BEST2: variants seen among roughly 807,000 people sequenced by gnomAD.
BEST2 encodes the protein bestrophin-2a.
A neutral mutation model predicts 49.0 loss-of-function variants in BEST2; 36 were observed. The ratio of observed to expected loss-of-function variants is 0.73; its 90% confidence interval spans 0.56 to 0.97. BEST2 has a LOEUF of 0.97. Among genes scored for constraint, BEST2 ranks in the 50% least tolerant of loss-of-function variants. The pLI is 0.00. For missense variants in BEST2, 672 were observed against 710.0 expected (o/e 0.95, Z 0.61); for synonymous variants, 335 against 304.4 (o/e 1.10, Z -1.05).
Position 12,755,972 on chromosome 19 carries a change from G to A in BEST2, c.948+37G>A, listed in dbSNP as rs368031865. The stretch of plus-strand genomic sequence containing the variant: ...TTTCCAGGTGAGACTTCCAGGTGGC[G>A]ACCATCCCGGAGTGCCCAACAGGGT... On this transcript the variant is annotated intron_variant, in intron 8 of 9. Transcript: ENST00000553030. This position sits in a 1 kb window ranked among gnomAD's most constrained non-coding sequence, Gnocchi z 4.4. 16 of 1,605,262 alleles carry A rather than the reference G, an allele frequency of 1.0e-5. No homozygotes were observed. Among genetic ancestry groups the A allele is most frequent in the Middle Eastern group, 1.6e-4 (1 of 6,062 alleles).
At chr19:12,754,259 A>G (rs1473487997) in intron 3 of BEST2, among the ~76,000 whole-genome samples, 1 of 151,524 alleles carries the variant, frequency 6.6e-6, no homozygotes, top group Non-Finnish European at 1.5e-5. Flanking sequence ...TTTTTAGTAG[A>G]GACGGAGTTT....
Position 12,755,595 on chromosome 19 carries a change from C to G in BEST2, c.715-20C>G, listed in dbSNP as rs369595287. ...CTTGGACCCCAATGACCCCCCTGAG[C>G]CCTGCCCCGCCCTGCCCAGGTGGTG... On this transcript the variant is annotated intron_variant, in intron 6 of 9. Coordinates refer to ENST00000553030, the MANE Select transcript of BEST2 (RefSeq NM_017682.3). This position sits in a 1 kb window ranked among gnomAD's most constrained non-coding sequence, Gnocchi z 4.4. 6 of 1,610,254 alleles carry G rather than the reference C, an allele frequency of 3.7e-6. No individual in the cohort carries two copies. The African/African-American group carries it at 6.7e-5, about 18-fold the overall frequency.
In BEST2 at chr19:12,753,326, C is replaced by T. The variant is rs1967894389; in HGVS notation, c.219C>T (p.Ala73=). ...TTGTGATTTATTGTGACCAGTATGC[C>T]AGCCTCATCCCTGTCTCCTTCGTGC... ...EKLVIYCDQY[A]SLIPVSFVLG... The change falls in exon 3 of 10, where the codon GCC becomes GCT. Residue 73 remains alanine, a synonymous_variant. Coordinates refer to ENST00000553030, the MANE Select transcript of BEST2 (RefSeq NM_017682.3). 4.3e-6 allele frequency: 7 copies of T among 1,614,164 alleles called. No homozygotes were observed. The highest frequency in any genetic ancestry group is 5.9e-6 in the Non-Finnish European group (7 of 1,180,014).
At position 12,758,240 on chromosome 19, in the gene BEST2, AGTTCTTCCAGACTCTTGGACCAGCCC is replaced by A; in HGVS notation, c.*165_*190del. On this transcript the variant is annotated 3_prime_UTR_variant, in exon 10 of 10. Transcript: ENST00000553030. The stretch of plus-strand genomic sequence containing the variant: ...TGTTTGGCGCTGTGCTAGGGGCGGG[AGTTCTTCCAGACTCTTGGACCAGCCC>A]GCCCTGACCACCAGCTCTACTTCCC... 1.1e-6 allele frequency: 1 copy of A among 891,726 alleles called. No homozygotes were observed. Among genetic ancestry groups the A allele is most frequent in the East Asian group, 2.7e-5 (1 of 37,400 alleles). 55.2% of individuals were successfully genotyped at this position (891,726 alleles called of 1,614,324 possible). A position where few individuals can be genotyped will look rare whatever the true frequency, so the allele number is the denominator to read the frequency against.
chr19:12,756,142 T>G lies in BEST2; in HGVS notation c.950T>G (p.Val317Gly). ...TNFLIDRNFQ[V>G]SMLAVDEMYD... is the part of the protein sequence containing the mutation. ...TACCCTGTGTGTTTGCACCCGTAGG[T>G]GTCCATGCTGGCAGTGGACGAGATG... Residue 317 changes from valine to glycine, a missense_variant and splice_region_variant, in exon 9 of 10, where the codon GTG becomes GGG. Physicochemically the swap from Val to Gly is moderately radical, Grantham distance 109 (BLOSUM62 -3). Transcript: ENST00000553030. 1.2e-6 allele frequency: 2 copies of G among 1,614,220 alleles called. No homozygotes were observed. Among genetic ancestry groups the G allele is most frequent in the Non-Finnish European group, 1.7e-6 (2 of 1,180,038 alleles).
chr19:12,754,118 C>T (rs973055152), intron 3 of BEST2, among the ~76,000 whole-genome samples: 3 of 136,470 alleles, frequency 2.2e-5, no homozygotes, highest in Non-Finnish European at 4.6e-5. Context: ...CTCTGTTGCC[C>T]AAGCTGGAGT....
At chr19:12,756,405 TAA>T in intron 9 of BEST2, 110 bp downstream of exon 9, 1 of 1,422,542 alleles carries the variant, frequency 7.0e-7, no homozygotes, top group South Asian at 1.3e-5. Flanking sequence ...GGATAAGAGC[TAA>T]AGTCTCAGGA....
Position 12,754,909 on chromosome 19 carries a change from G to A in BEST2, c.514G>A (p.Glu172Lys). 1 of 1,613,644 alleles carries A rather than the reference G, an allele frequency of 6.2e-7. No homozygotes were observed. The highest frequency in any genetic ancestry group is 8.5e-7 in the Non-Finnish European group (1 of 1,179,822). ...FMTREERKKFENLNSSYNKYW... is the reference protein window; with the variant it reads ...FMTREERKKFKNLNSSYNKYW... ...GACCCGCGAGGAGCGCAAGAAGTTTGAAAACCTGAACTCATCCTACAACAA... is the reference window on the plus strand; with the variant it reads ...GACCCGCGAGGAGCGCAAGAAGTTTAAAAACCTGAACTCATCCTACAACAA... Residue 172 changes from glutamate to lysine, a missense_variant, in exon 5 of 10, where the codon GAA becomes AAA. Glu to Lys is a moderately conservative substitution (Grantham distance 56). Coordinates refer to ENST00000553030, the MANE Select transcript of BEST2 (RefSeq NM_017682.3).
Position 12,755,953 on chromosome 19 carries a change from G to C in BEST2, c.948+18G>C. ...ACTTCCAGGTGAGACTCAGTTTCCA[G>C]GTGAGACTTCCAGGTGGCGACCATC... On this transcript the variant is annotated intron_variant, in intron 8 of 9. Transcript: ENST00000553030. This position sits in a 1 kb window ranked among gnomAD's most constrained non-coding sequence, Gnocchi z 4.4. 6.2e-7 allele frequency: 1 copy of C among 1,612,272 alleles called. No homozygotes were observed. Among genetic ancestry groups the C allele is most frequent in the Non-Finnish European group, 8.5e-7 (1 of 1,178,294 alleles).
intron 3 of BEST2, among the ~76,000 whole-genome samples, chr19:12,753,885 A>T (rs79442654): frequency 0.016 from 2,478 of 151,854 alleles, 21 homozygotes; most frequent in Non-Finnish European, 0.025. Flanking sequence ...TCTCTGATGT[A>T]CACCCCCACA....
chr19:12,757,536 T>C, intron 9 of BEST2, 115 bp from the exon 10 acceptor site: 1 of 1,203,478 alleles, frequency 8.3e-7, no homozygotes, highest in Non-Finnish European at 1.1e-6. Flanking sequence ...AGCTAAGATC[T>C]TTGGGGATAA....
chr19:12,754,755 T>C lies in BEST2; in HGVS notation c.451T>C (p.Phe151Leu), dbSNP rs1236928473. ...RSVSTAVFKRFPTIDHVVEAG... is the reference protein window; with the variant it reads ...RSVSTAVFKRLPTIDHVVEAG... ...CGTCAGCACCGCGGTGTTCAAGCGC[T>C]TCCCCACCATAGACCACGTGGTGGA... is the stretch of plus-strand genomic sequence containing the variant. Residue 151 changes from phenylalanine to leucine, a missense_variant, in exon 4 of 10, where the codon TTC (phenylalanine) becomes CTC (leucine). By Grantham distance (22) the Phe-to-Leu change is conservative. Transcript: ENST00000553030. 1 of 1,589,296 alleles carries C rather than the reference T, an allele frequency of 6.3e-7. No homozygotes were observed. Among genetic ancestry groups the C allele is most frequent in the Non-Finnish European group, 8.6e-7 (1 of 1,167,624 alleles).
rs1288416659 is a variant in BEST2, at chr19:12,755,586, C to T, written c.715-29C>T. Reference sequence around the variant, plus strand: ...AATCCTAGCCTTGGACCCCAATGACCCCCCTGAGCCCTGCCCCGCCCTGCC... The same window carrying T: ...AATCCTAGCCTTGGACCCCAATGACTCCCCTGAGCCCTGCCCCGCCCTGCC... On this transcript the variant is annotated intron_variant, in intron 6 of 9. Transcript: ENST00000553030. The surrounding 1 kb of genome is among the most constrained non-coding windows in gnomAD (Gnocchi z 4.4). 5.6e-6 allele frequency: 9 copies of T among 1,609,600 alleles called. No homozygotes were observed. The highest frequency in any genetic ancestry group is 6.8e-6 in the Non-Finnish European group (8 of 1,177,062).
chr19:12,756,466 G>A, intron 9 of BEST2, 171 bp downstream of exon 9: 1 of 904,974 alleles, frequency 1.1e-6, no homozygotes, highest in South Asian at 1.7e-5. Flanking sequence ...CAAGGTCAAG[G>A]TCTGAGACTG....
At position 12,755,039 on chromosome 19, in the gene BEST2, CA is replaced by C. The variant is rs1306797903; in HGVS notation, c.636+10del. 2 of 1,592,802 alleles carry C rather than the reference CA, an allele frequency of 1.3e-6. No individual in the cohort carries two copies. The highest frequency in any genetic ancestry group is 2.7e-5 in the African/African-American group (2 of 73,508). On this transcript the variant is annotated intron_variant, in intron 5 of 9. Coordinates refer to ENST00000553030, the MANE Select transcript of BEST2 (RefSeq NM_017682.3). This position sits in a 1 kb window ranked among gnomAD's most constrained non-coding sequence, Gnocchi z 4.4. ...CTTAAGCTGCTGCTCGAGGTGGGCC[CA>C]ACCAGGAGGTCATTCATATAGAATA...
In BEST2 at chr19:12,757,648, C is replaced by G; in HGVS notation, c.1104-3C>G. 2.6e-6 allele frequency: 4 copies of G among 1,534,538 alleles called. No individual in the cohort carries two copies. The highest frequency in any genetic ancestry group is 3.5e-6 in the Non-Finnish European group (4 of 1,146,280). On this transcript the variant is annotated splice_polypyrimidine_tract_variant and splice_region_variant and intron_variant, in intron 9 of 9. Transcript: ENST00000553030. ...CAGCGCTGGCCCACTGTCGGTCCCG[C>G]AGGCTGGCCAAAGAAGACATGCAGT...
Position 12,758,412 on chromosome 19 carries a change from T to A in BEST2, c.*335T>A. The A allele has an allele frequency of 2.7e-6, 1 of 372,098 alleles. No homozygotes were observed. The highest frequency in any genetic ancestry group is 5.5e-5 in the East Asian group (1 of 18,300). 23.0% of individuals were successfully genotyped at this position (372,098 alleles called of 1,614,324 possible). ...GATGAAAGAATGGCATTAAAGCATT[T>A]GGTATACAGTAGGTGCTCAATAAAT... is the stretch of plus-strand genomic sequence containing the variant. On this transcript the variant is annotated 3_prime_UTR_variant, in exon 10 of 10. Coordinates refer to ENST00000553030, the MANE Select transcript of BEST2 (RefSeq NM_017682.3).
chr19:12,755,001 C>G lies in BEST2; in HGVS notation c.606C>G (p.Arg202=), dbSNP rs754353545. Reference sequence around the variant, plus strand: ...AGGCCCGACGCGAGGGCCGCATCCGCGACAACAGCGCCCTTAAGCTGCTGC... The same window carrying G: ...AGGCCCGACGCGAGGGCCGCATCCGGGACAACAGCGCCCTTAAGCTGCTGC... ...AAQARREGRI[R]DNSALKLLLE... Residue 202 remains arginine (R), a synonymous_variant, in exon 5 of 10, where the codon CGC becomes CGG. Coordinates refer to ENST00000553030, the MANE Select transcript of BEST2 (RefSeq NM_017682.3). The surrounding 1 kb of genome is among the most constrained non-coding windows in gnomAD (Gnocchi z 4.4). 1 of 1,610,664 alleles carries G rather than the reference C, an allele frequency of 6.2e-7. No homozygotes were observed. Among genetic ancestry groups the G allele is most frequent in the African/African-American group, 1.3e-5 (1 of 74,732 alleles).
In BEST2 at chr19:12,755,618, G is replaced by T; in HGVS notation, c.718G>T (p.Val240Leu). The change falls in exon 7 of 10, where the codon GTG becomes TTG. Residue 240 changes from valine (V) to leucine (L), a missense_variant. Physicochemically the swap from Val to Leu is conservative, Grantham distance 32. Coordinates refer to ENST00000553030, the MANE Select transcript of BEST2 (RefSeq NM_017682.3). The surrounding 1 kb of genome is among the most constrained non-coding windows in gnomAD (Gnocchi z 4.4). Reference sequence around the variant, plus strand: ...AGCCCTGCCCCGCCCTGCCCAGGTGGTGACCATCGCACTGTACAGCTACTT... The same window carrying T: ...AGCCCTGCCCCGCCCTGCCCAGGTGTTGACCATCGCACTGTACAGCTACTT... ...ISVPLVYTQV[V>L]TIALYSYFLA... 6.2e-7 allele frequency: 1 copy of T among 1,613,334 alleles called. No individual in the cohort carries two copies. Among genetic ancestry groups the T allele is most frequent in the Non-Finnish European group, 8.5e-7 (1 of 1,179,640 alleles).
Sources: gnomAD v4.1 joint callset for allele counts (sites outside exome capture counted in the v4.1 genomes callset) on GRCh38, gnomAD v4.1.1 for gene constraint, Gnocchi (gnomAD v3.1) non-coding constraint, MANE v1.5 for transcripts, NCBI Gene and HGNC (gene_info 2026-07-23, HGNC 2026-07-21) for gene names.